Variants in INSR observed in about 807,000 individuals in gnomAD.
INSR encodes IR.
A neutral mutation model predicts 142.6 loss-of-function variants in INSR; 67 were observed. The observed-to-expected ratio is 0.47, with a 90% CI of 0.39 to 0.58. The LOEUF (loss-of-function observed/expected upper bound fraction) is 0.58, where lower values mean the gene tolerates loss of function less well. Among genes scored for constraint, INSR ranks in the 20% least tolerant of loss-of-function variants. INSR has a pLI of 0.00. For synonymous variants in INSR, 756 were observed against 743.1 expected, an observed-to-expected ratio of 1.02 and a Z score of -0.28; for missense variants, 1,248 against 1,833.2, an observed-to-expected ratio of 0.68 and a Z score of 5.83.
At position 7,163,187 on chromosome 19, in the gene INSR, G is replaced by A; in HGVS notation, c.1874C>T (p.Pro625Leu). Reference sequence around the variant, plus strand: ...GTTAGACACTGAGATTGGATCCAGGGGCACAGAGGGGTCTGTCAGGGAGAA... The same window carrying A: ...GTTAGACACTGAGATTGGATCCAGGAGCACAGAGGGGTCTGTCAGGGAGAA... The part of the protein sequence containing the change: ...VQTDATNPSV[P>L]LDPISVSNSS... The change falls in exon 9 of 22, where the codon CCC (proline) becomes CTC (leucine). Residue 625 changes from proline (P) to leucine (L), a missense_variant. Pro to Leu is a moderately conservative substitution (Grantham distance 98, BLOSUM62 -3). Coordinates refer to ENST00000302850, the MANE Select transcript of INSR (RefSeq NM_000208.4). 1 of 1,613,326 alleles carries A rather than the reference G, an allele frequency of 6.2e-7. No individual in the cohort carries two copies. The highest frequency in any genetic ancestry group is 8.5e-7 in the Non-Finnish European group (1 of 1,179,454).
chr19:7,196,147 C>T (rs1377476402), intron 2 of INSR, among the ~76,000 whole-genome samples: 1 of 151,332 alleles, frequency 6.6e-6, no homozygotes, highest in Non-Finnish European at 1.5e-5. Context: ...GTTGGTCAGG[C>T]TGGTCTCGAA....
intron 2 of INSR, among the ~76,000 whole-genome samples, chr19:7,248,861 G>A (rs1005057508): frequency 1.4e-5 from 2 of 147,186 alleles, no homozygotes; most frequent in East Asian, 2.0e-4. Context: ...AGGTTCAAGC[G>A]ATGGTCTCCT....
intron 13 of INSR, among the ~76,000 whole-genome samples, 154 bp from the exon 14 acceptor site, chr19:7,132,471 G>C (rs1229341247): frequency 6.6e-6 from 1 of 152,180 alleles, no homozygotes; most frequent in Non-Finnish European, 1.5e-5. Flanking sequence ...TTTGAGAATT[G>C]CAGAATTTTA....
intron 9 of INSR, among the ~76,000 whole-genome samples, chr19:7,160,394 G>A (rs766197897): frequency 2.6e-5 from 4 of 151,574 alleles, no homozygotes; most frequent in South Asian, 4.2e-4. Flanking sequence ...TGATCCACCC[G>A]CCTCGGCCTC....
At chr19:7,226,416 A>G (rs1217379773) in intron 2 of INSR, among the ~76,000 whole-genome samples, 5 of 952 alleles carry the variant, frequency 5.3e-3, no homozygotes, top group Non-Finnish European at 0.012. Context: ...CTCAAGGGAA[A>G]AAAAAAAAAA....
rs538908612 is a variant in INSR, at chr19:7,261,842, T to C, written c.652+5503A>G. ...CCTCCACACCCGGCCCCCTTAACCATTGAAAGCCTTTTTTTGGTCTCCCTG... is the reference window on the plus strand; with the variant it reads ...CCTCCACACCCGGCCCCCTTAACCACTGAAAGCCTTTTTTTGGTCTCCCTG... On this transcript the variant is annotated intron_variant, in intron 2 of 21. Coordinates refer to ENST00000302850, the MANE Select transcript of INSR (RefSeq NM_000208.4). Among the ~76,000 whole-genome samples, 5 of 152,208 alleles carry C rather than the reference T, an allele frequency of 3.3e-5. No homozygotes were observed. The East Asian group carries it at 9.7e-4, about 29-fold the overall frequency.
At chr19:7,211,451 T>G (rs1249410464) in intron 2 of INSR, among the ~76,000 whole-genome samples, 1 of 152,160 alleles carries the variant, frequency 6.6e-6, no homozygotes, top group Non-Finnish European at 1.5e-5. Flanking sequence ...AGGATTTCAC[T>G]CCATCCTCTG....
chr19:7,247,738 G>A (rs1275494495), intron 2 of INSR, among the ~76,000 whole-genome samples: 1 of 152,134 alleles, frequency 6.6e-6, no homozygotes, highest in African/African-American at 2.4e-5. Flanking sequence ...ACAGATATAG[G>A]CTTCAAATGC....
intron 2 of INSR, among the ~76,000 whole-genome samples, chr19:7,248,470 A>T (rs1393866796): frequency 9.4e-6 from 1 of 106,260 alleles, no homozygotes; most frequent in Non-Finnish European, 1.9e-5. Flanking sequence ...TGGGCGACAG[A>T]GGGAGACCCC....
At chr19:7,180,838 G>A (rs1026747078) in intron 3 of INSR, among the ~76,000 whole-genome samples, 1 of 152,150 alleles carries the variant, frequency 6.6e-6, no homozygotes, top group African/African-American at 2.4e-5. Flanking sequence ...ATGAGAATGA[G>A]AACTGGCCGA....
chr19:7,250,939 A>G (rs1392617373), intron 2 of INSR, among the ~76,000 whole-genome samples: 1 of 151,424 alleles, frequency 6.6e-6, no homozygotes, highest in Non-Finnish European at 1.5e-5. Flanking sequence ...ACCCCAAGCC[A>G]GAAAGCCCAG....
At chr19:7,260,269 T>C (rs1977018155) in intron 2 of INSR, among the ~76,000 whole-genome samples, 1 of 152,088 alleles carries the variant, frequency 6.6e-6, no homozygotes, top group Non-Finnish European at 1.5e-5. Flanking sequence ...GGTGCCGACG[T>C]CCATATGTGG....
chr19:7,232,629 T>G (rs1381169433), intron 2 of INSR, among the ~76,000 whole-genome samples: 1 of 151,994 alleles, frequency 6.6e-6, no homozygotes, highest in African/African-American at 2.4e-5. Context: ...GCTAACAAGA[T>G]GAAACCCTGT....
intron 1 of INSR, among the ~76,000 whole-genome samples, chr19:7,288,565 T>C (rs76659844): frequency 0.038 from 5,714 of 148,792 alleles, 282 homozygotes; most frequent in Admixed American, 0.12. Context: ...CTCCAGGCCA[T>C]GACTTGGAGG....
chr19:7,271,763 A>C (rs965820768), intron 1 of INSR, among the ~76,000 whole-genome samples: 8 of 152,006 alleles, frequency 5.3e-5, no homozygotes, highest in Non-Finnish European at 4.4e-5. Flanking sequence ...TAATCCCAGC[A>C]CTTTGGGAGG....
At chr19:7,276,987 T>C (rs906486299) in intron 1 of INSR, among the ~76,000 whole-genome samples, 1 of 152,098 alleles carries the variant, frequency 6.6e-6, no homozygotes, top group Non-Finnish European at 1.5e-5. Context: ...CGTCTAGACC[T>C]CCCAAAGTGC....
chr19:7,277,564 T>C (rs1466932725), intron 1 of INSR, among the ~76,000 whole-genome samples: 1 of 152,092 alleles, frequency 6.6e-6, no homozygotes, highest in African/African-American at 2.4e-5. Context: ...TTGGGAGGCA[T>C]AGGCGGGTGG....
intron 1 of INSR, among the ~76,000 whole-genome samples, chr19:7,275,032 A>G (rs1020642845): frequency 2.0e-5 from 3 of 151,496 alleles, no homozygotes; most frequent in Non-Finnish European, 4.4e-5. Context: ...CTGGAATGCA[A>G]TGACATGATC....
At chr19:7,176,940 A>C (rs1240345553) in intron 3 of INSR, among the ~76,000 whole-genome samples, 2 of 152,178 alleles carry the variant, frequency 1.3e-5, no homozygotes, top group South Asian at 2.1e-4. Flanking sequence ...TGCTACTCCA[A>C]GGAGACAGGA....
Sources: allele counts gnomAD v4.1 joint callset (sites outside exome capture counted in the v4.1 genomes callset), GRCh38; gene constraint gnomAD v4.1.1; transcripts MANE v1.5; gene names NCBI Gene and HGNC (gene_info 2026-07-23, HGNC 2026-07-21).